The following MLLT10 variants were observed in gnomAD, a reference collection of about 807,000 sequenced individuals.
MLLT10 encodes MLLT10 histone lysine methyltransferase DOT1L cofactor.
A neutral mutation model predicts 129.1 loss-of-function variants in MLLT10; 30 were observed. The ratio of observed to expected loss-of-function variants is 0.23; its 90% CI spans 0.17 to 0.32. The LOEUF is 0.32. Ranked by LOEUF, MLLT10 falls within the 10% of genes least tolerant of loss-of-function variation. MLLT10 has a pLI of 1.00. For missense variants in MLLT10, 1,119 were observed against 1,268.3 expected (o/e 0.88, Z 1.79); for synonymous variants, 490 against 446.4 (o/e 1.10, Z -1.23).
intron 9 of MLLT10, among the ~76,000 whole-genome samples, chr10:21,667,878 G>A (rs1048026793): frequency 7.9e-5 from 12 of 152,040 alleles, no homozygotes; most frequent in African/African-American, 2.9e-4. Flanking sequence ...TAATGCTATT[G>A]TATAGGTATA....
intron 14 of MLLT10, 147 bp from the exon 15 acceptor site, chr10:21,726,097 G>A: frequency 1.7e-6 from 1 of 588,314 alleles, no homozygotes; most frequent in South Asian, 2.4e-5. Context: ...GGTAAAACAA[G>A]TAAGAACGAA....
At chr10:21,652,860 A>G (rs2049183713) in intron 9 of MLLT10, among the ~76,000 whole-genome samples, 1 of 152,196 alleles carries the variant, frequency 6.6e-6, no homozygotes, top group Non-Finnish European at 1.5e-5. Context: ...AAACAGAGGT[A>G]GTGATAGGTG....
intron 13 of MLLT10, among the ~76,000 whole-genome samples, chr10:21,707,210 T>TTTG (rs2055602581): frequency 6.7e-6 from 1 of 148,910 alleles, no homozygotes; most frequent in African/African-American, 2.5e-5. Flanking sequence ...TTTTTTTTTT[T>TTTG]GAGACGGAGT....
At chr10:21,733,481 C>G in intron 18 of MLLT10, 23 bp from the exon 19 acceptor site, 1 of 1,403,392 alleles carries the variant, frequency 7.1e-7, no homozygotes, top group South Asian at 1.5e-5. Context: ...AAATAGGTTT[C>G]TTTTTGTCTT....
chr10:21,732,493 G>T (rs970382627), intron 17 of MLLT10, among the ~76,000 whole-genome samples: 4 of 152,152 alleles, frequency 2.6e-5, no homozygotes, highest in African/African-American at 7.2e-5. Context: ...TTTGGTAGAG[G>T]GTATTGGTGC....
chr10:21,737,557 C>T (rs2058475350), intron 21 of MLLT10, among the ~76,000 whole-genome samples: 1 of 152,132 alleles, frequency 6.6e-6, no homozygotes, highest in Admixed American at 6.5e-5. Flanking sequence ...GAAGCAATCC[C>T]ACTTTCAGTG....
intron 13 of MLLT10, among the ~76,000 whole-genome samples, chr10:21,685,931 G>A (rs1317835224): frequency 6.6e-6 from 1 of 152,080 alleles, no homozygotes; most frequent in African/African-American, 2.4e-5. Context: ...ATGAATAAAA[G>A]CCAACTTCTA....
intron 11 of MLLT10, among the ~76,000 whole-genome samples, chr10:21,674,618 A>C (rs1217459524): frequency 6.6e-6 from 1 of 152,164 alleles, no homozygotes; most frequent in African/African-American, 2.4e-5. Context: ...TTCAGTTTTT[A>C]AAAATTTCTT....
chr10:21,544,501 C>T (rs1040751351), intron 3 of MLLT10, among the ~76,000 whole-genome samples: 3 of 151,940 alleles, frequency 2.0e-5, no homozygotes, highest in East Asian at 1.9e-4. Flanking sequence ...TGACAGATAC[C>T]GAACAGTAAA....
At chr10:21,709,016 A>G (rs2055815879) in intron 13 of MLLT10, among the ~76,000 whole-genome samples, 1 of 152,204 alleles carries the variant, frequency 6.6e-6, no homozygotes, top group Non-Finnish European at 1.5e-5. Context: ...GATAAGAATA[A>G]TATGGAGGTT....
rs1290586719 is a variant in MLLT10, at chr10:21,673,392, G to C, written c.1094G>C (p.Gly365Ala). The change falls in exon 11 of 23, where the codon GGA becomes GCA. Residue 365 changes from glycine (G) to alanine (A), a missense_variant. By Grantham distance (60) the Gly-to-Ala change is moderately conservative. Coordinates refer to ENST00000307729, the MANE Select transcript of MLLT10 (RefSeq NM_001195626.3). Reference sequence around the variant, plus strand: ...CCAGGCAGTGTAAAGTCATCTTCTGGAAGTTCAGTGCAGTCTCCCCAGGAT... The same window carrying C: ...CCAGGCAGTGTAAAGTCATCTTCTGCAAGTTCAGTGCAGTCTCCCCAGGAT... ...GTPGSVKSSSGSSVQSPQDFL... is the reference protein window; with the variant it reads ...GTPGSVKSSSASSVQSPQDFL... The C allele has an allele frequency of 2.0e-6, 3 of 1,475,458 alleles. No individual in the cohort carries two copies. The highest frequency in any genetic ancestry group is 2.7e-6 in the Non-Finnish European group (3 of 1,103,190). The allele number at this position is 1,475,458 out of a possible 1,614,324, so 91.4% of individuals were successfully genotyped here.
At chr10:21,696,336 C>T (rs1275015072) in intron 13 of MLLT10, among the ~76,000 whole-genome samples, 1 of 151,938 alleles carries the variant, frequency 6.6e-6, no homozygotes, top group Non-Finnish European at 1.5e-5. Context: ...ACACAGCCCT[C>T]AGGAGATCCT....
At chr10:21,704,014 TTG>T (rs1305721509) in intron 13 of MLLT10, among the ~76,000 whole-genome samples, 15 of 119,964 alleles carry the variant, frequency 1.3e-4, no homozygotes, top group African/African-American at 4.2e-4. Context: ...CGATTGTTTT[TTG>T]TTTTTTTTTT....
chr10:21,680,199 CTCTTTTCTTTTTT>C (rs749896590), intron 11 of MLLT10, among the ~76,000 whole-genome samples: 12 of 151,866 alleles, frequency 7.9e-5, no homozygotes, highest in South Asian at 6.3e-4. Context: ...TGTTATCTTT[CTCTTTTCTTTTTT>C]TCTTTTCTTT....
Position 21,735,246 on chromosome 10 carries a change from T to A in MLLT10, c.2955+11T>A, listed in dbSNP as rs749407045. 4.4e-6 allele frequency: 7 copies of A among 1,580,450 alleles called. No homozygotes were observed. Among genetic ancestry groups the A allele is most frequent in the African/African-American group, 2.7e-5 (2 of 74,154 alleles). On this transcript the variant is annotated intron_variant, in intron 21 of 22. Coordinates refer to ENST00000307729, the MANE Select transcript of MLLT10 (RefSeq NM_001195626.3). ...CAACAGCTCACACCAGTAAGTTCTT[T>A]CTTTTGATAATATCTTATTAGGAGC...
intron 4 of MLLT10, among the ~76,000 whole-genome samples, chr10:21,590,797 C>T (rs994372966): frequency 1.2e-4 from 18 of 151,624 alleles, no homozygotes; most frequent in African/African-American, 3.9e-4. Context: ...TTTTATTGAC[C>T]TTTTTAAAGA....
chr10:21,654,692 A>G (rs952486075), intron 9 of MLLT10, among the ~76,000 whole-genome samples: 1 of 152,188 alleles, frequency 6.6e-6, no homozygotes, highest in African/African-American at 2.4e-5. Flanking sequence ...GTCCATCTCT[A>G]TGGACGTGGG....
At chr10:21,578,050 C>T (rs575590018) in intron 3 of MLLT10, among the ~76,000 whole-genome samples, 3 of 152,126 alleles carry the variant, frequency 2.0e-5, no homozygotes, top group Admixed American at 2.0e-4. Context: ...TGCCCGCCAT[C>T]ACGCTTGGCT....
At chr10:21,717,780 G>GCTGCTTCTTCTT (rs1564711616) in intron 14 of MLLT10, among the ~76,000 whole-genome samples, 1 of 51,474 alleles carries the variant, frequency 1.9e-5, no homozygotes, top group Admixed American at 2.6e-4. Context: ...TGCTGCTGCT[G>GCTGCTTCTTCTT]CTTCTTCTTC....
Sources: allele counts gnomAD v4.1 joint callset (sites outside exome capture counted in the v4.1 genomes callset), GRCh38; gene constraint gnomAD v4.1.1; transcripts MANE v1.5; gene names NCBI Gene and HGNC (gene_info 2026-07-23, HGNC 2026-07-21).